The following NLGN1 variants were observed in gnomAD, a reference collection of about 807,000 sequenced individuals.
The protein encoded by NLGN1 is neuroligin 1.
In NLGN1, 12 loss-of-function variants were observed where a neutral mutation model predicts 65.5. The ratio of observed to expected loss-of-function variants is 0.18; its 90% CI spans 0.12 to 0.30. NLGN1 has a LOEUF of 0.30. Among genes scored for constraint, NLGN1 ranks in the 10% least tolerant of loss-of-function variants. The probability of loss-of-function intolerance (pLI) is 1.00; values close to 1 mark genes in which losing one functional copy is unlikely to be tolerated. For missense variants in NLGN1, 750 were observed against 1,007.1 expected (o/e 0.74, Z 3.46); for synonymous variants, 350 against 359.5 (o/e 0.97, Z 0.30).
intron 4 of NLGN1, among the ~76,000 whole-genome samples, chr3:174,265,286 C>T (rs1747823094): frequency 6.6e-6 from 1 of 151,736 alleles, no homozygotes; most frequent in Non-Finnish European, 1.5e-5. Flanking sequence ...AGCCTCGCTG[C>T]CGCCTTGCAG....
chr3:174,227,170 A>ACC (rs1397527976), intron 4 of NLGN1, among the ~76,000 whole-genome samples: 40 of 152,214 alleles, frequency 2.6e-4, no homozygotes, highest in African/African-American at 9.4e-4. Flanking sequence ...GTCTTCAGGT[A>ACC]TAAAACACAA....
intron 4 of NLGN1, among the ~76,000 whole-genome samples, chr3:174,218,822 A>G (rs1231395558): frequency 1.3e-5 from 2 of 152,018 alleles, no homozygotes; most frequent in Non-Finnish European, 2.9e-5. Context: ...CACTCTGTTC[A>G]GGGATCCAGC....
At chr3:173,873,480 T>C (rs878890369) in intron 4 of NLGN1, among the ~76,000 whole-genome samples, 3 of 152,192 alleles carry the variant, frequency 2.0e-5, no homozygotes, top group African/African-American at 7.2e-5. Flanking sequence ...CATAACTATT[T>C]GAAGTTATAA....
At position 174,279,352 on chromosome 3, in the gene NLGN1, A is replaced by G; in HGVS notation, c.1351A>G (p.Thr451Ala). 1 of 1,613,450 alleles carries G rather than the reference A, an allele frequency of 6.2e-7. No individual in the cohort carries two copies. Among genetic ancestry groups the G allele is most frequent in the Admixed American group, 1.7e-5 (1 of 59,928 alleles). The change falls in exon 6 of 7, where the codon ACC (threonine) becomes GCC (alanine). Residue 451 changes from threonine (T) to alanine (A), a missense_variant. Transcript: ENST00000457714. This position sits in a 1 kb window ranked among gnomAD's most constrained non-coding sequence, Gnocchi z 4.7. ...CTGGGCTGACCGTCATAACCCTGAA[A>G]CCAGAAGAAAGACATTACTGGCTTT...
intron 4 of NLGN1, among the ~76,000 whole-genome samples, chr3:174,016,134 A>G (rs911129181): frequency 5.3e-5 from 8 of 152,206 alleles, no homozygotes; most frequent in Middle Eastern, 3.2e-3. Flanking sequence ...TCTGATTAAT[A>G]ACTAACAACT....
At chr3:173,899,647 A>G (rs745837548) in intron 4 of NLGN1, among the ~76,000 whole-genome samples, 6 of 152,120 alleles carry the variant, frequency 3.9e-5, no homozygotes, top group Non-Finnish European at 8.8e-5. Context: ...TTTTCCATTA[A>G]TAAAGTTTTA....
At chr3:173,441,215 A>G (rs1350319542) in intron 2 of NLGN1, among the ~76,000 whole-genome samples, 1 of 152,178 alleles carries the variant, frequency 6.6e-6, no homozygotes, top group East Asian at 1.9e-4. Flanking sequence ...TTGATCTTTT[A>G]TCCAGACTAC....
At chr3:173,632,411 C>T (rs1755831031) in intron 3 of NLGN1, among the ~76,000 whole-genome samples, 1 of 152,148 alleles carries the variant, frequency 6.6e-6, no homozygotes, top group Admixed American at 6.6e-5. Flanking sequence ...GCTTCCCTTT[C>T]ACAAATTTTG....
intron 3 of NLGN1, among the ~76,000 whole-genome samples, chr3:173,607,323 G>A (rs1751544621): frequency 6.6e-6 from 1 of 151,800 alleles, no homozygotes. Context: ...ACTTGAGCTT[G>A]TATGGTTTAC....
At chr3:173,919,829 T>A (rs1175810922) in intron 4 of NLGN1, among the ~76,000 whole-genome samples, 2 of 152,152 alleles carry the variant, frequency 1.3e-5, no homozygotes, top group African/African-American at 4.8e-5. Flanking sequence ...AGTTTTGCTA[T>A]AGAGAAGACT....
chr3:174,004,009 A>G (rs1359605231), intron 4 of NLGN1, among the ~76,000 whole-genome samples: 1 of 152,166 alleles, frequency 6.6e-6, no homozygotes, highest in Non-Finnish European at 1.5e-5. Flanking sequence ...GAGTTAAAAT[A>G]ATCCACATGC....
chr3:173,617,636 A>G (rs1484178330), intron 3 of NLGN1, among the ~76,000 whole-genome samples: 1 of 152,208 alleles, frequency 6.6e-6, no homozygotes, highest in Non-Finnish European at 1.5e-5. Flanking sequence ...TCAGAGTCTG[A>G]CAGATATAAC....
At chr3:173,475,775 T>C (rs1341425718) in intron 2 of NLGN1, among the ~76,000 whole-genome samples, 1 of 152,186 alleles carries the variant, frequency 6.6e-6, no homozygotes, top group African/African-American at 2.4e-5. Flanking sequence ...CTTAATCAGA[T>C]TTACAAAATT....
In NLGN1 at chr3:173,747,059, T is replaced by TACACACAC. The variant is rs3033827; in HGVS notation, c.494-60595_494-60588dup. ...TGCCTCAAAAAGAAAAAATTATATA[T>TACACACAC]ACACACACACACACACACACACACA... is the stretch of plus-strand genomic sequence containing the variant. On this transcript the variant is annotated intron_variant, in intron 3 of 6. Transcript: ENST00000457714. Among the ~76,000 whole-genome samples, 142 of 130,398 alleles carry TACACACAC rather than the reference T, an allele frequency of 1.1e-3. 1 individual carries two copies. The highest frequency in any genetic ancestry group is 3.7e-3 in the African/African-American group (131 of 35,330). 85.5% of individuals were successfully genotyped at this position (130,398 alleles called of 152,430 possible).
At chr3:173,550,996 T>C (rs551696864) in intron 2 of NLGN1, among the ~76,000 whole-genome samples, 1 of 152,280 alleles carries the variant, frequency 6.6e-6, no homozygotes, top group East Asian at 1.9e-4. Flanking sequence ...ATCTCAAATA[T>C]TTTTACAAAT....
chr3:174,143,930 A>G (rs2152692428), intron 4 of NLGN1, among the ~76,000 whole-genome samples: 1 of 152,060 alleles, frequency 6.6e-6, no homozygotes, highest in South Asian at 2.1e-4. Context: ...TTTTATTATT[A>G]TTATACTTTA....
intron 4 of NLGN1, among the ~76,000 whole-genome samples, chr3:173,894,280 C>T (rs1393503152): frequency 2.0e-5 from 3 of 152,064 alleles, no homozygotes; most frequent in East Asian, 1.9e-4. Context: ...AAACCTAGGT[C>T]GAACCAATGA....
intron 4 of NLGN1, among the ~76,000 whole-genome samples, chr3:174,164,287 C>T (rs1277352238): frequency 1.3e-5 from 2 of 151,628 alleles, no homozygotes; most frequent in Admixed American, 1.3e-4. Context: ...AATGAAATTA[C>T]TTAGCTTTTG....
At chr3:174,121,344 C>A (rs1448020539) in intron 4 of NLGN1, among the ~76,000 whole-genome samples, 2 of 152,200 alleles carry the variant, frequency 1.3e-5, no homozygotes, top group Admixed American at 1.3e-4. Flanking sequence ...TTGTCTACAG[C>A]AGCATTTTAT....
Sources: allele counts gnomAD v4.1 joint callset (sites outside exome capture counted in the v4.1 genomes callset), GRCh38; gene constraint gnomAD v4.1.1; non-coding constraint Gnocchi (gnomAD v3.1); transcripts MANE v1.5; gene names NCBI Gene and HGNC (gene_info 2026-07-23, HGNC 2026-07-21).